Variants in TMSB15B observed in about 807,000 individuals in gnomAD.
TMSB15B encodes the protein thymosin beta-15B.
intron 1 of TMSB15B, among the ~76,000 whole-genome samples, chrX:103,944,988 G>T (rs782308385): frequency 9.0e-6 from 1 of 111,639 alleles, no homozygotes; most frequent in Admixed American, 9.5e-5. Context: ...ATGTTGCCCA[G>T]GCTGGTCTCG....
rs187447284 is a variant in TMSB15B, at chrX:103,926,198, G to A, written c.-721+6906G>A. Among the ~76,000 whole-genome samples the A allele has an allele frequency of 1.4e-4, 15 of 110,265 alleles. No individual in the cohort carries two copies. In the East Asian group the frequency reaches 4.3e-3, roughly 32 times the overall value. On this transcript the variant is annotated intron_variant, in intron 1 of 3. Transcript: ENST00000419165. ...TAAGGCCATCATGGAATGCGGAGGA[G>A]GGGGAGGTGGTGATGGGCTGAGTAC...
rs782076634 is a variant in TMSB15B, at chrX:103,924,770, C to G, written c.-721+5478C>G. On this transcript the variant is annotated intron_variant, in intron 1 of 3. Coordinates refer to the TMSB15B transcript ENST00000419165. ...GCTACCCATGTGGACTAGACTGGCT[C>G]GGACAGTCTGGAATCCCCTGGGCTC... is the stretch of plus-strand genomic sequence containing the variant. Among the ~76,000 whole-genome samples, 3 of 111,454 alleles carry G rather than the reference C, an allele frequency of 2.7e-5. No individual in the cohort carries two copies. In the East Asian group the frequency reaches 8.5e-4, roughly 32 times the overall value.
At chrX:103,942,594 A>G (rs1217067529) in intron 1 of TMSB15B, among the ~76,000 whole-genome samples, 2 of 112,148 alleles carry the variant, frequency 1.8e-5, no homozygotes, top group African/African-American at 6.5e-5. Context: ...TTTCTTAACT[A>G]TTCTTATCAA....
intron 1 of TMSB15B, among the ~76,000 whole-genome samples, chrX:103,950,688 C>T (rs1227208132): frequency 9.1e-6 from 1 of 109,559 alleles, no homozygotes; most frequent in African/African-American, 3.3e-5. Flanking sequence ...TCAAATTCCA[C>T]AAAAAATTGG....
chrX:103,935,784 G>T (rs1247673534), intron 1 of TMSB15B, among the ~76,000 whole-genome samples: 1 of 103,525 alleles, frequency 9.7e-6, no homozygotes, highest in Non-Finnish European at 2.0e-5. Flanking sequence ...CTTCAGCTTT[G>T]TTCTTTTTGC....
chrX:103,943,647 C>T (rs1285691672), intron 1 of TMSB15B, among the ~76,000 whole-genome samples: 3 of 111,556 alleles, frequency 2.7e-5, no homozygotes, highest in Non-Finnish European at 3.8e-5. Flanking sequence ...AATCTGACAC[C>T]AGCCTACCTT....
chrX:103,930,645 T>C (rs2074981966), intron 1 of TMSB15B, among the ~76,000 whole-genome samples: 1 of 108,929 alleles, frequency 9.2e-6, no homozygotes, highest in African/African-American at 3.3e-5. Context: ...TCACTGTCAG[T>C]AAGACACATG....
chrX:103,928,694 A>G, intron 1 of TMSB15B: 1 of 1,156,822 alleles, frequency 8.6e-7, no homozygotes, highest in Non-Finnish European at 1.2e-6. Context: ...GACCCCATGC[A>G]GGATGGCCTG....
At chrX:103,929,490 G>T (rs1469584059) in intron 1 of TMSB15B, among the ~76,000 whole-genome samples, 2 of 111,001 alleles carry the variant, frequency 1.8e-5, no homozygotes, top group Admixed American at 9.6e-5. Context: ...TCATGATATT[G>T]TTCACTGCCT....
At chrX:103,922,977 A>T (rs1440063787) in intron 1 of TMSB15B, among the ~76,000 whole-genome samples, 3 of 112,131 alleles carry the variant, frequency 2.7e-5, no homozygotes, top group Non-Finnish European at 5.6e-5. Context: ...GCATTTTTTC[A>T]TGTGTCTGTT....
chrX:103,948,901 A>T (rs1489147108), intron 1 of TMSB15B, among the ~76,000 whole-genome samples: 6 of 112,254 alleles, frequency 5.3e-5, no homozygotes, highest in African/African-American at 1.9e-4. Context: ...TAAATTATAT[A>T]GTGTGTTAGA....
intron 1 of TMSB15B, among the ~76,000 whole-genome samples, chrX:103,939,976 C>T (rs1235270594): frequency 8.9e-6 from 1 of 111,839 alleles, no homozygotes; most frequent in African/African-American, 3.3e-5. Flanking sequence ...CTGGGTATCA[C>T]TAGTGGAGGC....
intron 1 of TMSB15B, chrX:103,931,539 A>G: frequency 8.9e-6 from 1 of 111,959 alleles, no homozygotes; most frequent in Middle Eastern, 4.6e-3. Flanking sequence ...TCCTCGATTC[A>G]ATGTTTGCAA....
chrX:103,948,062 A>T (rs2075030032), intron 1 of TMSB15B, among the ~76,000 whole-genome samples: 1 of 111,400 alleles, frequency 9.0e-6, no homozygotes, highest in African/African-American at 3.3e-5. Flanking sequence ...AAGGGGAGGG[A>T]TAGCATTAGG....
intron 1 of TMSB15B, among the ~76,000 whole-genome samples, chrX:103,937,552 CTCTCT>C (rs1296767114): frequency 1.3e-4 from 14 of 111,645 alleles, no homozygotes; most frequent in Non-Finnish European, 2.6e-4. Context: ...TTTGATTCTT[CTCTCT>C]TCTCTTCTTT....
intron 1 of TMSB15B, among the ~76,000 whole-genome samples, chrX:103,925,761 C>T (rs2074966481): frequency 8.9e-6 from 1 of 112,296 alleles, no homozygotes; most frequent in African/African-American, 3.2e-5. Context: ...CAAATCCTAG[C>T]CCAGTTTTCT....
intron 1 of TMSB15B, chrX:103,928,687 C>T: frequency 8.7e-7 from 1 of 1,152,750 alleles, no homozygotes; most frequent in African/African-American, 1.8e-5. Context: ...TTTCCAGGAC[C>T]CCATGCAGGA....
At chrX:103,930,311 G>T (rs1281930420) in intron 1 of TMSB15B, among the ~76,000 whole-genome samples, 1 of 110,970 alleles carries the variant, frequency 9.0e-6, no homozygotes, top group African/African-American at 3.3e-5. Context: ...CAGCTCAGAG[G>T]TCACCTTCTC....
intron 1 of TMSB15B, among the ~76,000 whole-genome samples, chrX:103,937,754 T>C (rs2075002174): frequency 8.9e-6 from 1 of 111,823 alleles, no homozygotes; most frequent in Non-Finnish European, 1.9e-5. Flanking sequence ...CTTTTAATTA[T>C]GATGTTAGGG....
Sources: allele counts gnomAD v4.1 joint callset (sites outside exome capture counted in the v4.1 genomes callset), GRCh38; gene constraint gnomAD v4.1.1; transcripts MANE v1.5; gene names NCBI Gene and HGNC (gene_info 2026-07-23, HGNC 2026-07-21).